The following PPA2 variants were observed in gnomAD, a reference collection of about 807,000 sequenced individuals.
PPA2 encodes the protein inorganic pyrophosphatase 2.
In PPA2, 48 loss-of-function variants were observed where a neutral mutation model predicts 49.5. That is an observed-to-expected ratio of 0.97 (90% confidence interval 0.77 to 1.23). The LOEUF (loss-of-function observed/expected upper bound fraction) is 1.23. PPA2 is among the 50% of genes most tolerant of loss of function. PPA2 has a pLI of 0.00. For synonymous variants in PPA2, 131 were observed against 139.9 expected (o/e 0.94, Z 0.45); for missense variants, 429 against 410.1 (o/e 1.05, Z -0.40).
At chr4:105,397,881 CTGTAGGACTG>C (rs757686433) in intron 8 of PPA2, among the ~76,000 whole-genome samples, 1 of 152,164 alleles carries the variant, frequency 6.6e-6, no homozygotes, top group Non-Finnish European at 1.5e-5. Flanking sequence ...CTGGTATAGC[CTGTAGGACTG>C]TGAGCTAAAT....
intron 10 of PPA2, among the ~76,000 whole-genome samples, chr4:105,379,489 T>C (rs1733394423): frequency 6.6e-6 from 1 of 151,786 alleles, no homozygotes. Context: ...TATTTTTATA[T>C]ACTGGCTCTT....
intron 7 of PPA2, among the ~76,000 whole-genome samples, chr4:105,417,105 T>C (rs1054075719): frequency 1.6e-4 from 25 of 152,210 alleles, no homozygotes; most frequent in Non-Finnish European, 3.2e-4. Context: ...ATATTTCTAA[T>C]CTAATTTTGA....
intron 7 of PPA2, among the ~76,000 whole-genome samples, chr4:105,416,523 G>T (rs1262934759): frequency 6.6e-6 from 1 of 152,194 alleles, no homozygotes; most frequent in African/African-American, 2.4e-5. Flanking sequence ...TGCTCCCACA[G>T]AACTAAACAT....
intron 5 of PPA2, among the ~76,000 whole-genome samples, chr4:105,438,498 C>A (rs2110290786): frequency 6.6e-6 from 1 of 152,184 alleles, no homozygotes; most frequent in South Asian, 2.1e-4. Context: ...AATGAAAGGA[C>A]AAAACACTAC....
intron 1 of PPA2, among the ~76,000 whole-genome samples, chr4:105,472,934 G>A (rs967416297): frequency 2.0e-5 from 3 of 152,134 alleles, no homozygotes; most frequent in Admixed American, 6.5e-5. Flanking sequence ...GAAAAAACAA[G>A]GCTTAGCAAC....
intron 2 of PPA2, 62 bp downstream of exon 2, chr4:105,456,619 A>G: frequency 7.3e-7 from 1 of 1,370,816 alleles, no homozygotes; most frequent in Non-Finnish European, 1.0e-6. Flanking sequence ...TGCTTCCAAA[A>G]AGCATCTAAT....
chr4:105,426,665 C>T (rs950418131), intron 6 of PPA2, among the ~76,000 whole-genome samples: 3 of 152,220 alleles, frequency 2.0e-5, no homozygotes, highest in African/African-American at 7.2e-5. Flanking sequence ...CTTGAATAGG[C>T]AGTTCTATGC....
chr4:105,383,687 G>A (rs1187012083), intron 10 of PPA2, among the ~76,000 whole-genome samples: 1 of 152,122 alleles, frequency 6.6e-6, no homozygotes, highest in Non-Finnish European at 1.5e-5. Context: ...GCCTTGTAAT[G>A]ACCATACTTT....
At chr4:105,451,593 C>T (rs1722680856) in intron 3 of PPA2, among the ~76,000 whole-genome samples, 1 of 152,104 alleles carries the variant, frequency 6.6e-6, no homozygotes, top group Admixed American at 6.5e-5. Context: ...GGCAGATGTC[C>T]ACATAATTTA....
intron 6 of PPA2, among the ~76,000 whole-genome samples, chr4:105,425,735 C>T (rs1247172532): frequency 2.0e-5 from 3 of 150,436 alleles, no homozygotes; most frequent in Admixed American, 6.6e-5. Flanking sequence ...CACACACACA[C>T]ACACACACAC....
At chr4:105,380,168 G>GTC (rs915137650) in intron 10 of PPA2, among the ~76,000 whole-genome samples, 13 of 150,654 alleles carry the variant, frequency 8.6e-5, no homozygotes, top group Non-Finnish European at 1.8e-4. Context: ...TTTATAGAAA[G>GTC]GTTTTTAAGT....
intron 7 of PPA2, among the ~76,000 whole-genome samples, chr4:105,411,191 T>A (rs1209395251): frequency 6.6e-6 from 1 of 151,988 alleles, no homozygotes; most frequent in Non-Finnish European, 1.5e-5. Context: ...AGAGACACAC[T>A]TTGCTCAAAA....
chr4:105,434,270 G>T lies in PPA2; in HGVS notation c.528+3680C>A, dbSNP rs540101080. 5.9e-5 allele frequency among the ~76,000 whole-genome samples: 9 copies of T among 152,282 alleles called. No individual in the cohort carries two copies. In the East Asian group the frequency reaches 1.7e-3, roughly 29 times the overall value. ...GTCTTCAGGAGGGTATGGCACATTG[G>T]ACCAAAAGATGTGTAAGATCCTTTA... is the stretch of plus-strand genomic sequence containing the variant. On this transcript the variant is annotated intron_variant, in intron 6 of 11. Transcript: ENST00000341695.
At chr4:105,370,299 A>G (rs1168504736) in intron 11 of PPA2, among the ~76,000 whole-genome samples, 4 of 152,202 alleles carry the variant, frequency 2.6e-5, no homozygotes, top group Non-Finnish European at 5.9e-5. Flanking sequence ...TTATATTAAA[A>G]CAAAAAGCCA....
At chr4:105,434,725 T>A (rs1440665577) in intron 6 of PPA2, among the ~76,000 whole-genome samples, 1 of 152,216 alleles carries the variant, frequency 6.6e-6, no homozygotes, top group Non-Finnish European at 1.5e-5. Context: ...ATAAGACATG[T>A]ATAGGTTATA....
At chr4:105,377,367 G>C (rs1478622452) in intron 10 of PPA2, among the ~76,000 whole-genome samples, 1 of 152,024 alleles carries the variant, frequency 6.6e-6, no homozygotes, top group Non-Finnish European at 1.5e-5. Context: ...ACCTGGATTA[G>C]CTCATTCAAT....
intron 6 of PPA2, among the ~76,000 whole-genome samples, chr4:105,428,297 C>T (rs570211558): frequency 3.3e-4 from 50 of 152,156 alleles, no homozygotes; most frequent in Middle Eastern, 3.4e-3. Flanking sequence ...TCAATTAATG[C>T]GCAAAATAAC....
chr4:105,453,472 C>A (rs981192977), intron 3 of PPA2, 126 bp downstream of exon 3: 1 of 615,362 alleles, frequency 1.6e-6, no homozygotes, highest in Non-Finnish European at 2.6e-6. Context: ...AGAAAAACAT[C>A]GGAATGCACA....
rs111835829 is a variant in PPA2, at chr4:105,403,533, A to C, written c.656-4369T>G. Among the ~76,000 whole-genome samples the C allele has an allele frequency of 8.3e-3, 1,261 of 152,328 alleles. 45 individuals are homozygous for C. The highest frequency in any genetic ancestry group is 0.082 in the East Asian group (427 of 5,192). ...TAAATAATCATAGTTCTATATAAAT[A>C]CATTGAAAATATTGTAAATTTCTCT... On this transcript the variant is annotated intron_variant, in intron 7 of 11. Coordinates refer to ENST00000341695, the MANE Select transcript of PPA2 (RefSeq NM_176869.3).
Sources: gnomAD v4.1 joint callset for allele counts (sites outside exome capture counted in the v4.1 genomes callset) on GRCh38, gnomAD v4.1.1 for gene constraint, MANE v1.5 for transcripts, NCBI Gene and HGNC (gene_info 2026-07-23, HGNC 2026-07-21) for gene names.